Variants in LYRM4 observed in about 807,000 individuals in gnomAD.
The protein encoded by LYRM4 is LYR motif-containing protein 4.
In LYRM4, 9 loss-of-function variants were observed where a neutral mutation model predicts 11.7. That is an observed-to-expected ratio of 0.77 (90% confidence interval 0.46 to 1.34). LYRM4 has a LOEUF of 1.34. LYRM4 is among the 40% of genes most tolerant of loss of function. The pLI is 0.00. For missense variants in LYRM4, 133 were observed against 112.5 expected, an observed-to-expected ratio of 1.18 and a Z score of -0.82; for synonymous variants, 42 against 40.4, an observed-to-expected ratio of 1.04 and a Z score of -0.15.
intron 2 of LYRM4, among the ~76,000 whole-genome samples, chr6:5,132,462 T>C (rs904441703): frequency 1.3e-5 from 2 of 152,132 alleles, no homozygotes; most frequent in African/African-American, 4.8e-5. Context: ...TCTGAAAGAA[T>C]GTCTTCTATT....
chr6:5,133,862 G>T (rs976417980), intron 2 of LYRM4, among the ~76,000 whole-genome samples: 20 of 152,112 alleles, frequency 1.3e-4, no homozygotes, highest in African/African-American at 4.8e-4. Context: ...TATAATATGT[G>T]GCTTTTGTGT....
chr6:5,108,516 A>G lies in LYRM4; in HGVS notation c.*907T>C. 3 of 676,454 alleles carry G rather than the reference A, an allele frequency of 4.4e-6. No homozygotes were observed. Among genetic ancestry groups the G allele is most frequent in the Non-Finnish European group, 5.5e-6 (3 of 547,304 alleles). 41.9% of individuals were successfully genotyped at this position (676,454 alleles called of 1,614,324 possible). On this transcript the variant is annotated 3_prime_UTR_variant, in exon 3 of 3. Transcript: ENST00000330636. Reference sequence around the variant, plus strand: ...TTGAAAACAGTGGGAGAGCTTCAGAATAGAGAAAAATGACTGTGCCTCACC... The same window carrying G: ...TTGAAAACAGTGGGAGAGCTTCAGAGTAGAGAAAAATGACTGTGCCTCACC...
chr6:5,190,114 A>T (rs771325325), intron 2 of LYRM4, among the ~76,000 whole-genome samples: 1 of 152,212 alleles, frequency 6.6e-6, no homozygotes, highest in Non-Finnish European at 1.5e-5. Context: ...ATTTTCTTGG[A>T]ATCAGTTCTG....
chr6:5,043,342 T>C, the LYRM4 span: 3 of 152,180 alleles, frequency 2.0e-5, no homozygotes, highest in Non-Finnish European at 4.4e-5. Flanking sequence ...TTTCGTCTGC[T>C]AATGCCATGT....
Position 5,216,497 on chromosome 6 carries a change from CAG to C in LYRM4, c.207+119_207+120del, listed in dbSNP as rs1762279107. On this transcript the variant is annotated intron_variant, in intron 2 of 2. Transcript: ENST00000330636. ...TACATGTCTGTATTAGTACAAGGAA[CAG>C]AGTTTCATGATCCTGCTCTGTAAAT... 12 of 1,138,316 alleles carry C rather than the reference CAG, an allele frequency of 1.1e-5. No individual in the cohort carries two copies. The East Asian group carries it at 2.4e-4, about 22-fold the overall frequency. The allele number at this position is 1,138,316 out of a possible 1,614,324, so 70.5% of individuals were successfully genotyped here.
intron 2 of LYRM4, among the ~76,000 whole-genome samples, chr6:5,118,005 C>T (rs1763202765): frequency 6.6e-6 from 1 of 151,402 alleles, no homozygotes; most frequent in African/African-American, 2.4e-5. Context: ...TTTTAAGACA[C>T]TGCACTTTCC....
chr6:5,189,379 GAGCCTAAGGTTAGTGCTT>G (rs1266566788), intron 2 of LYRM4, among the ~76,000 whole-genome samples: 3 of 148,046 alleles, frequency 2.0e-5, no homozygotes, highest in African/African-American at 5.0e-5. Context: ...GGTTAGTGGT[GAGCCTAAGGTTAGTGCTT>G]AGCCTAAGGT....
At chr6:5,095,079 C>T in the LYRM4 span, among the ~76,000 whole-genome samples, 1 of 152,100 alleles carries the variant, frequency 6.6e-6, no homozygotes, top group Non-Finnish European at 1.5e-5. Context: ...ATCAAAATAG[C>T]ACATGTAGCC....
chr6:5,217,321 G>C (rs1442851053), intron 1 of LYRM4, among the ~76,000 whole-genome samples: 1 of 152,170 alleles, frequency 6.6e-6, no homozygotes, highest in African/African-American at 2.4e-5. Flanking sequence ...AGGCCAACAC[G>C]CTTTCTTTAC....
At chr6:5,091,358 C>T in the LYRM4 span, among the ~76,000 whole-genome samples, 7 of 152,216 alleles carry the variant, frequency 4.6e-5, no homozygotes, top group Non-Finnish European at 7.3e-5. Flanking sequence ...ACAAAATAGA[C>T]ACCTTCCACC....
At chr6:5,111,791 G>C (rs1409768274) in intron 2 of LYRM4, among the ~76,000 whole-genome samples, 1 of 152,210 alleles carries the variant, frequency 6.6e-6, no homozygotes, top group Admixed American at 6.5e-5. Context: ...CTGCAGCTTG[G>C]GTGGCTCTGC....
rs374235434 is a variant in LYRM4 at position 5,223,229 on chromosome 6, T to C, written c.87-6491A>G. Among the ~76,000 whole-genome samples the C allele has an allele frequency of 2.8e-4, 42 of 152,346 alleles. No individual in the cohort carries two copies. In the South Asian group the frequency reaches 7.7e-3, roughly 28 times the overall value. ...TCAAATCTTCAAAGAAAAGGGCTGC[T>C]TTCCACAGTCATTTGCATTGCTGTT... On this transcript the variant is annotated intron_variant, in intron 1 of 2. Transcript: ENST00000330636.
intron 2 of LYRM4, among the ~76,000 whole-genome samples, chr6:5,174,754 CAT>C: frequency 6.6e-6 from 1 of 152,272 alleles, no homozygotes; most frequent in African/African-American, 2.4e-5. Context: ...TATATATAAA[CAT>C]ATATTATCCC....
intron 1 of LYRM4, among the ~76,000 whole-genome samples, chr6:5,246,646 A>G (rs1764210365): frequency 6.6e-6 from 1 of 152,064 alleles, no homozygotes; most frequent in South Asian, 2.1e-4. Context: ...GTGAGGGTGA[A>G]GTGGAGGGAG....
At chr6:5,203,842 C>T (rs1001836097) in intron 2 of LYRM4, among the ~76,000 whole-genome samples, 3 of 152,236 alleles carry the variant, frequency 2.0e-5, no homozygotes, top group Admixed American at 1.3e-4. Flanking sequence ...CCTTTCCGCA[C>T]ACTTATGGGG....
At chr6:5,121,499 T>G (rs374008828) in intron 2 of LYRM4, among the ~76,000 whole-genome samples, 46 of 152,178 alleles carry the variant, frequency 3.0e-4, no homozygotes, top group African/African-American at 1.1e-3. Context: ...TGCCAGCCAC[T>G]AGCCAGGAGT....
intron 1 of LYRM4, among the ~76,000 whole-genome samples, chr6:5,248,218 C>G (rs541670186): frequency 9.9e-4 from 151 of 152,368 alleles, no homozygotes; most frequent in Middle Eastern, 6.8e-3. Context: ...CAACCAAACA[C>G]TAAGGCCAGC....
chr6:5,169,723 C>T (rs1327040728), intron 2 of LYRM4, among the ~76,000 whole-genome samples: 1 of 152,168 alleles, frequency 6.6e-6, no homozygotes, highest in East Asian at 1.9e-4. Flanking sequence ...CAATTACACG[C>T]TGACTTATTC....
the LYRM4 span, among the ~76,000 whole-genome samples, chr6:5,039,709 T>A: frequency 6.6e-6 from 1 of 152,070 alleles, no homozygotes; most frequent in Non-Finnish European, 1.5e-5. Flanking sequence ...TAACACTAAA[T>A]AAGTCAAACT....
Sources: allele counts gnomAD v4.1 joint callset (sites outside exome capture counted in the v4.1 genomes callset), GRCh38; gene constraint gnomAD v4.1.1; transcripts MANE v1.5; gene names NCBI Gene and HGNC (gene_info 2026-07-23, HGNC 2026-07-21).